PDZRN3: variants seen among roughly 807,000 people sequenced by gnomAD.
PDZRN3 encodes E3 ubiquitin-protein ligase PDZRN3.
PDZRN3 carries 38 observed loss-of-function variants against 85.7 expected under a neutral mutation model. The observed-to-expected ratio is 0.44, with a 90% CI of 0.34 to 0.58. The LOEUF (loss-of-function observed/expected upper bound fraction) is 0.58. Ranked by LOEUF, PDZRN3 falls within the 20% of genes least tolerant of loss-of-function variation. The pLI is 0.01. For missense variants in PDZRN3, 1,629 were observed against 1,506.4 expected (o/e 1.08, Z -1.35); for synonymous variants, 759 against 638.0 (o/e 1.19, Z -2.86).
At chr3:73,454,422 G>T (rs1301808641) in intron 3 of PDZRN3, among the ~76,000 whole-genome samples, 1 of 152,158 alleles carries the variant, frequency 6.6e-6, no homozygotes, top group Non-Finnish European at 1.5e-5. Flanking sequence ...CAACATCAAT[G>T]TGTCTCCAGA....
At chr3:73,613,669 A>G (rs1378061981) in intron 1 of PDZRN3, among the ~76,000 whole-genome samples, 1 of 152,122 alleles carries the variant, frequency 6.6e-6, no homozygotes, top group Non-Finnish European at 1.5e-5. Context: ...CTCTTCCCAG[A>G]GGGCAAGTGT....
chr3:73,401,159 G>A, intron 4 of PDZRN3, 150 bp from the exon 5 acceptor site: 3 of 614,902 alleles, frequency 4.9e-6, no homozygotes, highest in East Asian at 2.8e-5. Context: ...CTCTCAGCAC[G>A]GTCAGGACCT....
chr3:73,441,211 G>A (rs1463260216), intron 3 of PDZRN3, among the ~76,000 whole-genome samples: 1 of 151,914 alleles, frequency 6.6e-6, no homozygotes, highest in African/African-American at 2.4e-5. Flanking sequence ...TGGGCAGATA[G>A]AGACCATCCT....
At chr3:73,564,221 T>C (rs1487412208) in intron 3 of PDZRN3, among the ~76,000 whole-genome samples, 2 of 152,220 alleles carry the variant, frequency 1.3e-5, no homozygotes, top group Admixed American at 6.5e-5. Context: ...TGTCTTCCCA[T>C]GTGAAAAATG....
chr3:73,390,885 T>C lies in PDZRN3; in HGVS notation c.1353+133A>G, dbSNP rs114261537. 1,715 of 638,190 alleles carry C rather than the reference T, an allele frequency of 2.7e-3. 26 individuals are homozygous for C. The African/African-American group carries it at 0.028, about 11-fold the overall frequency. The allele number at this position is 638,190 out of a possible 1,614,324, so 39.5% of individuals were successfully genotyped here. A position where few individuals can be genotyped will look rare whatever the true frequency, so the allele number is the denominator to read the frequency against. On this transcript the variant is annotated intron_variant, in intron 6 of 9. Coordinates refer to ENST00000263666, the MANE Select transcript of PDZRN3 (RefSeq NM_015009.3). ...TGGAAAGATGCAGCGCCATGGAGTG[T>C]GATGAGGGGGACAGAATAATTTGTG...
intron 3 of PDZRN3, among the ~76,000 whole-genome samples, chr3:73,539,643 A>T (rs1288636192): frequency 2.6e-5 from 4 of 152,108 alleles, no homozygotes; most frequent in Non-Finnish European, 5.9e-5. Context: ...CTGCAAGATG[A>T]ACAATCCAGC....
chr3:73,453,573 T>C (rs1163090328), intron 3 of PDZRN3, among the ~76,000 whole-genome samples: 1 of 151,614 alleles, frequency 6.6e-6, no homozygotes, highest in African/African-American at 2.4e-5. Flanking sequence ...TATATAGATA[T>C]ATGAAGTATT....
At position 73,498,972 on chromosome 3, in the gene PDZRN3, T is replaced by C. The variant is rs978132249; in HGVS notation, c.919-94577A>G. 1.8e-4 allele frequency among the ~76,000 whole-genome samples: 27 copies of C among 152,168 alleles called. 1 individual carries two copies. The highest frequency in any genetic ancestry group is 4.6e-4 in the African/African-American group (19 of 41,440). On this transcript the variant is annotated intron_variant, in intron 3 of 9. Transcript: ENST00000263666. The stretch of plus-strand genomic sequence containing the variant: ...CAGGCTTGCTGCTTGTCTTCTGAGA[T>C]ACAAGCTGGGGTAGCAGGGTCCCAG...
chr3:73,557,533 C>T (rs539886175), intron 3 of PDZRN3, among the ~76,000 whole-genome samples: 1 of 152,212 alleles, frequency 6.6e-6, no homozygotes, highest in African/African-American at 2.4e-5. Flanking sequence ...AAATCCAAGG[C>T]CTCATATTAC....
intron 5 of PDZRN3, among the ~76,000 whole-genome samples, chr3:73,397,902 C>G (rs533394298): frequency 3.3e-5 from 5 of 152,278 alleles, no homozygotes; most frequent in African/African-American, 9.6e-5. Context: ...GGAGAATGCC[C>G]TTATTCTGGT....
At chr3:73,605,212 A>AT (rs1702580026) in intron 2 of PDZRN3, among the ~76,000 whole-genome samples, 1 of 151,988 alleles carries the variant, frequency 6.6e-6, no homozygotes. Flanking sequence ...CGTCTCAAAA[A>AT]AAAAAAAAAA....
chr3:73,465,256 A>C (rs947156546), intron 3 of PDZRN3, among the ~76,000 whole-genome samples: 2 of 152,204 alleles, frequency 1.3e-5, no homozygotes, highest in African/African-American at 4.8e-5. Flanking sequence ...TGGATGATGA[A>C]GTATACCCCT....
intron 3 of PDZRN3, among the ~76,000 whole-genome samples, chr3:73,443,890 C>T (rs1702696919): frequency 6.6e-6 from 1 of 152,062 alleles, no homozygotes; most frequent in African/African-American, 2.4e-5. Context: ...GCATCATTTG[C>T]TATGTATTAA....
chr3:73,493,976 C>T (rs534262896), intron 3 of PDZRN3, among the ~76,000 whole-genome samples: 10 of 152,322 alleles, frequency 6.6e-5, no homozygotes, highest in African/African-American at 2.4e-4. Flanking sequence ...TTGAAAGAGA[C>T]CAATCAACGT....
intron 3 of PDZRN3, among the ~76,000 whole-genome samples, chr3:73,545,686 A>G (rs1701406209): frequency 6.6e-6 from 1 of 152,336 alleles, no homozygotes; most frequent in Non-Finnish European, 1.5e-5. Context: ...GACTCTATCA[A>G]CTAGAAAGTA....
chr3:73,408,592 G>T (rs1169680841), intron 3 of PDZRN3, among the ~76,000 whole-genome samples: 6 of 151,694 alleles, frequency 4.0e-5, no homozygotes, highest in South Asian at 2.1e-4. Context: ...TGGAGGAGGG[G>T]GGGGGGTGCA....
intron 3 of PDZRN3, among the ~76,000 whole-genome samples, chr3:73,516,715 A>G (rs1704262810): frequency 6.6e-6 from 1 of 152,226 alleles, no homozygotes; most frequent in South Asian, 2.1e-4. Context: ...TCCATGAAAA[A>G]TGTAAAAACA....
chr3:73,564,936 AT>A (rs1448206956), intron 3 of PDZRN3, among the ~76,000 whole-genome samples: 1 of 152,024 alleles, frequency 6.6e-6, no homozygotes, highest in East Asian at 1.9e-4. Flanking sequence ...CTCTCTTATG[AT>A]TTTCATGATC....
chr3:73,452,839 C>CTATGTGTG (rs1553690746), intron 3 of PDZRN3, among the ~76,000 whole-genome samples: 3 of 140,618 alleles, frequency 2.1e-5, no homozygotes, highest in African/African-American at 8.1e-5. Context: ...GTCCATATAT[C>CTATGTGTG]TGTGTGTGTG....
Sources: allele counts gnomAD v4.1 joint callset (sites outside exome capture counted in the v4.1 genomes callset), GRCh38; gene constraint gnomAD v4.1.1; transcripts MANE v1.5; gene names NCBI Gene and HGNC (gene_info 2026-07-23, HGNC 2026-07-21).